Variants in CADM2 observed in about 807,000 individuals in gnomAD.
CADM2 encodes immunoglobulin superfamily member 4D.
Under a neutral mutation model 49.8 loss-of-function variants are expected in CADM2, and 12 were observed. That is an observed-to-expected ratio of 0.24 (90% CI 0.15 to 0.39). The LOEUF (loss-of-function observed/expected upper bound fraction) is 0.39. Among genes scored for constraint, CADM2 ranks in the 10% least tolerant of loss-of-function variants. The probability of loss-of-function intolerance (pLI) is 1.00; values close to 1 mark genes in which losing one functional copy is unlikely to be tolerated. For synonymous variants in CADM2, 214 were observed against 175.4 expected, an observed-to-expected ratio of 1.22 and a Z score of -1.74; for missense variants, 378 against 492.3, an observed-to-expected ratio of 0.77 and a Z score of 2.20.
At chr3:85,984,023 A>G (rs1173915303) in intron 8 of CADM2, among the ~76,000 whole-genome samples, 2 of 149,570 alleles carry the variant, frequency 1.3e-5, no homozygotes, top group African/African-American at 4.9e-5. Flanking sequence ...CACACATAAT[A>G]TATTATACAT....
chr3:85,883,880 C>A lies in CADM2; in HGVS notation c.391+437C>A, dbSNP rs116659636. On this transcript the variant is annotated intron_variant, in intron 4 of 9. Coordinates refer to ENST00000383699, the MANE Select transcript of CADM2 (RefSeq NM_001167675.2). ...ACCTGATAAGGGCCTTTCTTGCTAA[C>A]TTGTGGCTCTCAAATATGACCTGCT... 3.3e-3 allele frequency among the ~76,000 whole-genome samples: 506 copies of A among 152,236 alleles called. 2 individuals are homozygous for A. The highest frequency in any genetic ancestry group is 0.011 in the African/African-American group (476 of 41,548).
At chr3:86,026,236 G>A (rs1158476220) in intron 8 of CADM2, among the ~76,000 whole-genome samples, 1 of 152,028 alleles carries the variant, frequency 6.6e-6, no homozygotes, top group Non-Finnish European at 1.5e-5. Flanking sequence ...ATTTAACTGT[G>A]TTTAAATTTA....
intron 1 of CADM2, among the ~76,000 whole-genome samples, chr3:85,111,627 G>C (rs893776436): frequency 1.3e-5 from 2 of 149,546 alleles, no homozygotes; most frequent in African/African-American, 5.1e-5. Context: ...GTATAGGGTT[G>C]TGGAGGAGGT....
At chr3:85,898,291 A>C (rs559582729) in intron 5 of CADM2, among the ~76,000 whole-genome samples, 9 of 152,198 alleles carry the variant, frequency 5.9e-5, no homozygotes, top group Non-Finnish European at 1.3e-4. Flanking sequence ...ATTTATTAAG[A>C]TATAATTGAC....
At chr3:85,706,436 C>A (rs1410495876) in intron 1 of CADM2, among the ~76,000 whole-genome samples, 3 of 152,136 alleles carry the variant, frequency 2.0e-5, no homozygotes, top group Non-Finnish European at 4.4e-5. Flanking sequence ...GTTGCTATAT[C>A]CCCGCCCCTT....
intron 1 of CADM2, among the ~76,000 whole-genome samples, chr3:85,023,106 T>C (rs2034578064): frequency 6.6e-6 from 1 of 152,116 alleles, no homozygotes; most frequent in African/African-American, 2.4e-5. Context: ...TTTAAGTGCA[T>C]TATATGGAAG....
intron 1 of CADM2, among the ~76,000 whole-genome samples, chr3:85,213,545 GTTTCC>G (rs2041853316): frequency 1.3e-5 from 2 of 151,968 alleles, no homozygotes; most frequent in Non-Finnish European, 2.9e-5. Flanking sequence ...CTTTAAGGTG[GTTTCC>G]TTTAGTTTAT....
At chr3:85,766,091 A>C (rs184880437) in intron 2 of CADM2, among the ~76,000 whole-genome samples, 2 of 152,098 alleles carry the variant, frequency 1.3e-5, no homozygotes, top group African/African-American at 2.4e-5. Context: ...TTTTGGCCTG[A>C]TAGTCTGAAT....
intron 1 of CADM2, among the ~76,000 whole-genome samples, chr3:85,442,458 T>G (rs2107546004): frequency 8.6e-6 from 1 of 115,714 alleles, no homozygotes; most frequent in Admixed American, 9.7e-5. Flanking sequence ...CATGTACATT[T>G]ATTACAAAGA....
chr3:85,072,065 G>C (rs1230939503), intron 1 of CADM2, among the ~76,000 whole-genome samples: 1 of 151,084 alleles, frequency 6.6e-6, no homozygotes, highest in East Asian at 1.9e-4. Context: ...AAATCTATAA[G>C]AAGTTAATTA....
chr3:85,559,674 ACACACAC>A (rs772620603), intron 1 of CADM2, among the ~76,000 whole-genome samples: 8 of 127,122 alleles, frequency 6.3e-5, no homozygotes, highest in South Asian at 2.3e-4. Flanking sequence ...ACACACACAC[ACACACAC>A]ACACACATAT....
intron 1 of CADM2, among the ~76,000 whole-genome samples, chr3:85,041,590 C>G (rs2035444915): frequency 6.6e-6 from 1 of 152,130 alleles, no homozygotes; most frequent in African/African-American, 2.4e-5. Context: ...TACCAAGGCT[C>G]TTCTTTCTAA....
intron 1 of CADM2, among the ~76,000 whole-genome samples, chr3:85,428,504 G>GA (rs1381831216): frequency 1.4e-5 from 2 of 144,070 alleles, no homozygotes; most frequent in East Asian, 4.0e-4. Flanking sequence ...CCCCTATGGG[G>GA]ATATGTATTA....
At chr3:85,552,517 A>T (rs2061837673) in intron 1 of CADM2, among the ~76,000 whole-genome samples, 1 of 150,952 alleles carries the variant, frequency 6.6e-6, no homozygotes, top group Non-Finnish European at 1.5e-5. Context: ...AGTAGCTGAG[A>T]CTACAGGCGC....
chr3:85,885,680 CAAAAAAAA>C (rs1230774557), intron 4 of CADM2, among the ~76,000 whole-genome samples: 2 of 86,604 alleles, frequency 2.3e-5, no homozygotes, highest in Non-Finnish European at 4.3e-5. Flanking sequence ...GACTCTATCT[CAAAAAAAA>C]AAAAAAAAAA....
chr3:85,161,950 A>C (rs1242827140), intron 1 of CADM2, among the ~76,000 whole-genome samples: 2 of 152,096 alleles, frequency 1.3e-5, no homozygotes, highest in African/African-American at 4.8e-5. Flanking sequence ...GGGAGGTTGC[A>C]GTGAGCTGAG....
chr3:85,380,902 A>G (rs1477956963), intron 1 of CADM2, among the ~76,000 whole-genome samples: 1 of 152,128 alleles, frequency 6.6e-6, no homozygotes, highest in African/African-American at 2.4e-5. Context: ...TAAATTTCAC[A>G]TAATAGCAAC....
intron 1 of CADM2, among the ~76,000 whole-genome samples, chr3:85,440,897 G>C (rs1216290451): frequency 6.6e-6 from 1 of 152,070 alleles, no homozygotes; most frequent in Non-Finnish European, 1.5e-5. Context: ...GAGGAGAATA[G>C]CTTGAACTCA....
chr3:85,200,977 G>A (rs1056473821), intron 1 of CADM2, among the ~76,000 whole-genome samples: 3 of 152,004 alleles, frequency 2.0e-5, no homozygotes, highest in African/African-American at 4.8e-5. Flanking sequence ...TACTTTACAT[G>A]TGCATAATTA....
Sources: allele counts gnomAD v4.1 joint callset (sites outside exome capture counted in the v4.1 genomes callset), GRCh38; gene constraint gnomAD v4.1.1; transcripts MANE v1.5; gene names NCBI Gene and HGNC (gene_info 2026-07-23, HGNC 2026-07-21).